CFAP77: variants seen among roughly 807,000 people sequenced by gnomAD.
CFAP77 encodes cilia and flagella associated protein 77, also known as cilia- and flagella-associated protein 77.
Under a neutral mutation model 31.1 loss-of-function variants are expected in CFAP77, and 25 were observed. The ratio of observed to expected loss-of-function variants is 0.80; its 90% CI spans 0.59 to 1.12. The LOEUF is 1.12. Ranked by LOEUF, CFAP77 falls within the 50% of genes most tolerant of loss-of-function variation. The pLI, the probability that CFAP77 is intolerant of heterozygous loss-of-function variation, is 0.00. For synonymous variants in CFAP77, 151 were observed against 159.9 expected, an observed-to-expected ratio of 0.94 and a Z score of 0.42; for missense variants, 377 against 397.3, an observed-to-expected ratio of 0.95 and a Z score of 0.44.
At chr9:132,557,924 T>G (rs978381048) in intron 5 of CFAP77, among the ~76,000 whole-genome samples, 12 of 152,198 alleles carry the variant, frequency 7.9e-5, no homozygotes. Flanking sequence ...GCATCACTGA[T>G]ACCATGGGAG....
At position 132,410,221 on chromosome 9, in the gene CFAP77, GGGA is replaced by G; in HGVS notation, c.-50_-48del. On this transcript the variant is annotated 5_prime_UTR_variant, in exon 1 of 6. Transcript: ENST00000393216. ...GGAGCTCCAGGCTGTGCCCGACGTG[GGGA>G]AGCGCGCCCAAACCAGCCCGCGGGC... 6.8e-7 allele frequency: 1 copy of G among 1,472,802 alleles called. No individual in the cohort carries two copies. The highest frequency in any genetic ancestry group is 2.7e-5 in the East Asian group (1 of 36,470). The allele number at this position is 1,472,802 out of a possible 1,614,324, so 91.2% of individuals were successfully genotyped here. A position where few individuals can be genotyped will look rare whatever the true frequency, so the allele number is the denominator to read the frequency against.
intron 1 of CFAP77, among the ~76,000 whole-genome samples, chr9:132,444,348 T>G (rs1850667664): frequency 6.6e-6 from 1 of 152,220 alleles, no homozygotes; most frequent in Admixed American, 6.5e-5. Context: ...ATCCACAGCT[T>G]GTCATTTGGG....
Position 132,572,415 on chromosome 9 carries a change from A to C in CFAP77, c.760A>C (p.Thr254Pro). 2.5e-6 allele frequency: 4 copies of C among 1,613,314 alleles called. No homozygotes were observed. Among genetic ancestry groups the C allele is most frequent in the Non-Finnish European group, 3.4e-6 (4 of 1,179,908 alleles). Residue 254 changes from threonine (T) to proline (P), a missense_variant, in exon 6 of 6, where the codon ACG becomes CCG. By Grantham distance (38) the Thr-to-Pro change is conservative. Coordinates refer to ENST00000393216, the MANE Select transcript of CFAP77 (RefSeq NM_001282957.2). ...KVGRHLDTFP[T>P]EADRQRALKA... The stretch of plus-strand genomic sequence containing the variant: ...GGGCCGCCACCTTGATACGTTCCCC[A>C]CGGAGGCCGATCGCCAGAGAGCATT...
intron 3 of CFAP77, among the ~76,000 whole-genome samples, chr9:132,514,546 T>C (rs889546083): frequency 1.3e-5 from 2 of 152,166 alleles, no homozygotes; most frequent in Admixed American, 6.5e-5. Context: ...CTGGCGGATC[T>C]CCTGTTCTCA....
chr9:132,456,283 G>A (rs1467604494), intron 1 of CFAP77, among the ~76,000 whole-genome samples: 1 of 152,202 alleles, frequency 6.6e-6, no homozygotes, highest in African/African-American at 2.4e-5. Flanking sequence ...AGTAGCTGTT[G>A]TCCTGCCCCC....
intron 3 of CFAP77, among the ~76,000 whole-genome samples, chr9:132,529,824 C>CAAAAAAAA (rs572231164): frequency 8.6e-6 from 1 of 116,058 alleles, no homozygotes; most frequent in Non-Finnish European, 1.8e-5. Flanking sequence ...GACTCTGTCT[C>CAAAAAAAA]AAAAAAAAAA....
chr9:132,427,523 G>A (rs946363711), intron 1 of CFAP77, among the ~76,000 whole-genome samples: 1 of 152,138 alleles, frequency 6.6e-6, no homozygotes, highest in Non-Finnish European at 1.5e-5. Context: ...GCTGAGGCAC[G>A]ATAATCGCTT....
At position 132,416,700 on chromosome 9, in the gene CFAP77, G is replaced by C. The variant is rs1197583952; in HGVS notation, c.195+6234G>C. ...GTTGCCCAGGCTGGAGTGCAGTGGTGCAGTCTTGCTCACAGCAGCCTTCGC... is the reference window on the plus strand; with the variant it reads ...GTTGCCCAGGCTGGAGTGCAGTGGTCCAGTCTTGCTCACAGCAGCCTTCGC... On this transcript the variant is annotated intron_variant, in intron 1 of 5. Coordinates refer to ENST00000393216, the MANE Select transcript of CFAP77 (RefSeq NM_001282957.2). Among the ~76,000 whole-genome samples the C allele has an allele frequency of 2.0e-5, 3 of 148,606 alleles. No individual in the cohort carries two copies. The East Asian group carries it at 6.0e-4, about 30-fold the overall frequency.
chr9:132,555,092 G>C (rs928363103), intron 5 of CFAP77, among the ~76,000 whole-genome samples: 3 of 152,172 alleles, frequency 2.0e-5, no homozygotes, highest in Admixed American at 6.5e-5. Flanking sequence ...GACATTTGAA[G>C]GCCTCCTGTC....
intron 3 of CFAP77, among the ~76,000 whole-genome samples, chr9:132,532,114 C>G (rs1852463347): frequency 6.6e-6 from 1 of 150,462 alleles, no homozygotes; most frequent in South Asian, 2.1e-4. Flanking sequence ...AACTGGAAAA[C>G]AAAGAACCAC....
chr9:132,537,652 G>A lies in CFAP77; in HGVS notation c.576G>A (p.Trp192Ter). The A allele has an allele frequency of 6.2e-7, 1 of 1,613,506 alleles. No individual in the cohort carries two copies. The highest frequency in any genetic ancestry group is 8.5e-7 in the Non-Finnish European group (1 of 1,179,728). Residue 192 changes from tryptophan to a stop codon, truncating the protein, a stop_gained, in exon 4 of 6, where the codon TGG becomes TGA. Coordinates refer to ENST00000393216, the MANE Select transcript of CFAP77 (RefSeq NM_001282957.2). LOFTEE classifies it high-confidence loss of function. ...TGCAGCACCGGTACCTGCAGCTGTG[G>A]GTACAGGAACAAAAGGCCACCCAGA... ...DLLQHRYLQL[W>*]VQEQKATQKA...
At chr9:132,485,985 CAT>C (rs61265124) in intron 1 of CFAP77, among the ~76,000 whole-genome samples, 106 of 53,448 alleles carry the variant, frequency 2.0e-3, no homozygotes, top group South Asian at 3.4e-3. Context: ...ACACACACCT[CAT>C]ATATATATAT....
chr9:132,531,298 C>G (rs930803206), intron 3 of CFAP77, among the ~76,000 whole-genome samples: 1 of 152,198 alleles, frequency 6.6e-6, no homozygotes, highest in Non-Finnish European at 1.5e-5. Context: ...AAACCATACC[C>G]GCCCTCGTGA....
At chr9:132,467,038 C>A (rs1347505352) in intron 1 of CFAP77, among the ~76,000 whole-genome samples, 1 of 151,966 alleles carries the variant, frequency 6.6e-6, no homozygotes, top group Non-Finnish European at 1.5e-5. Context: ...ATTAGCCAGG[C>A]GTGGTGGCAT....
In CFAP77 at chr9:132,516,806, G is replaced by A. The variant is rs11243809; in HGVS notation, c.524+17206G>A. Among the ~76,000 whole-genome samples the A allele has an allele frequency of 9.7e-3, 1,472 of 151,802 alleles. 24 individuals carry two copies. Among genetic ancestry groups the A allele is most frequent in the African/African-American group, 0.033 (1,372 of 41,434 alleles). ...TACAATGATCTCCATAAAAGTTTCA[G>A]TTTAAAAAAAAATAGATTTAGTGGT... On this transcript the variant is annotated intron_variant, in intron 3 of 5. Coordinates refer to ENST00000393216, the MANE Select transcript of CFAP77 (RefSeq NM_001282957.2).
chr9:132,480,529 C>T lies in CFAP77; in HGVS notation c.196-18166C>T, dbSNP rs545755074. ...CCTACTGTGTGCCGGGCACCGGAGA[C>T]GCCACAGCAAATGAGACAGGTCTGT... On this transcript the variant is annotated intron_variant, in intron 1 of 5. Transcript: ENST00000393216. The surrounding 1 kb of genome is among the most constrained non-coding windows in gnomAD (Gnocchi z 5.8). Among the ~76,000 whole-genome samples the T allele has an allele frequency of 4.5e-4, 68 of 152,306 alleles. 1 individual carries two copies. Among genetic ancestry groups the T allele is most frequent in the African/African-American group, 1.6e-3 (65 of 41,572 alleles).
In CFAP77 at chr9:132,491,143, T is replaced by C. The variant is rs140071063; in HGVS notation, c.196-7552T>C. On this transcript the variant is annotated intron_variant, in intron 1 of 5. Transcript: ENST00000393216. ...AACTGAAATAAGTGGATTGGAAAAA[T>C]GAATGAACGAATGAGTACAAAGTAT... 1.9e-4 allele frequency among the ~76,000 whole-genome samples: 29 copies of C among 152,078 alleles called. No homozygotes were observed. In the East Asian group the frequency reaches 4.4e-3, roughly 23 times the overall value.
At position 132,491,695 on chromosome 9, in the gene CFAP77, G is replaced by C. The variant is rs373853485; in HGVS notation, c.196-7000G>C. Among the ~76,000 whole-genome samples the C allele has an allele frequency of 7.2e-5, 11 of 152,244 alleles. No homozygotes were observed. In the East Asian group the frequency reaches 7.7e-4, roughly 11 times the overall value. ...ATTCCCCCCAAATTGGGTAAATAATGATCTTATTTGTTTTTATTAATCTTT... is the reference window on the plus strand; with the variant it reads ...ATTCCCCCCAAATTGGGTAAATAATCATCTTATTTGTTTTTATTAATCTTT... On this transcript the variant is annotated intron_variant, in intron 1 of 5. Coordinates refer to ENST00000393216, the MANE Select transcript of CFAP77 (RefSeq NM_001282957.2).
chr9:132,555,006 CTGTT>C (rs755975095), intron 5 of CFAP77, among the ~76,000 whole-genome samples: 3 of 152,132 alleles, frequency 2.0e-5, no homozygotes, highest in Non-Finnish European at 4.4e-5. Flanking sequence ...ATCTGTCCAT[CTGTT>C]TGTTCATCCA....
Sources: allele counts gnomAD v4.1 joint callset (sites outside exome capture counted in the v4.1 genomes callset), GRCh38; gene constraint gnomAD v4.1.1; non-coding constraint Gnocchi (gnomAD v3.1); transcripts MANE v1.5; gene names NCBI Gene and HGNC (gene_info 2026-07-23, HGNC 2026-07-21).